TAF2: variants seen among roughly 807,000 people sequenced by gnomAD.
TAF2 encodes transcription initiation factor TFIID subunit 2.
TAF2 carries 61 observed loss-of-function variants against 138.5 expected under a neutral mutation model. That is an observed-to-expected ratio of 0.44 (90% CI 0.36 to 0.54). The LOEUF is 0.54. Among genes scored for constraint, TAF2 ranks in the 20% least tolerant of loss-of-function variants. TAF2 has a pLI of 0.00. For missense variants in TAF2, 1,090 were observed against 1,427.9 expected (o/e 0.76, Z 3.81); for synonymous variants, 475 against 469.9 (o/e 1.01, Z -0.14).
At position 119,795,582 on chromosome 8, in the gene TAF2, A is replaced by G. The variant is rs779251380; in HGVS notation, c.1141T>C (p.Trp381Arg). ...KGISGYIYGL[W>R]MKKTFGVNEY... The stretch of plus-strand genomic sequence containing the variant: ...TTAACACCAAAAGTTTTTTTCATCC[A>G]AAGTCCATAGATATAGCCTGAAATT... Residue 381 changes from tryptophan (W) to arginine (R), a missense_variant, in exon 9 of 26, where the codon TGG becomes CGG. Around this residue, in one of 3 missense-constraint regions of TAF2, gnomAD observed 504 missense variants for 680.9 expected, o/e 0.74. Transcript: ENST00000378164. 1 of 1,613,828 alleles carries G rather than the reference A, an allele frequency of 6.2e-7. No homozygotes were observed. The highest frequency in any genetic ancestry group is 1.1e-5 in the South Asian group (1 of 91,080).
At chr8:119,818,472 G>C (rs889066341) in intron 3 of TAF2, among the ~76,000 whole-genome samples, 2 of 152,040 alleles carry the variant, frequency 1.3e-5, no homozygotes, top group Non-Finnish European at 2.9e-5. Context: ...CTTTGAAAAA[G>C]CAAGTGCCCT....
chr8:119,805,842 A>G (rs1410292040), intron 4 of TAF2, among the ~76,000 whole-genome samples: 2 of 151,698 alleles, frequency 1.3e-5, no homozygotes, highest in African/African-American at 4.8e-5. Flanking sequence ...AACCCATTCT[A>G]TATATTTCAA....
intron 18 of TAF2, among the ~76,000 whole-genome samples, chr8:119,770,517 A>T (rs1480211338): frequency 6.6e-6 from 1 of 152,188 alleles, no homozygotes; most frequent in Non-Finnish European, 1.5e-5. Flanking sequence ...ATGAAGGAAA[A>T]ATAAAGTATT....
rs549580692 is a variant in TAF2 at position 119,810,411 on chromosome 8, G to A, written c.300-4010C>T. ...CATTGACCAGCTGAAGGGCATTTAG[G>A]TTATTTTCAGCTTTGGAAGTGTGAA... On this transcript the variant is annotated intron_variant, in intron 3 of 25. Coordinates refer to ENST00000378164, the MANE Select transcript of TAF2 (RefSeq NM_003184.4). Among the ~76,000 whole-genome samples, 8 of 152,294 alleles carry A rather than the reference G, an allele frequency of 5.3e-5. No individual in the cohort carries two copies. The South Asian group carries it at 1.2e-3, about 24-fold the overall frequency.
chr8:119,733,538 G>A (rs549057968), intron 25 of TAF2, among the ~76,000 whole-genome samples: 9 of 152,204 alleles, frequency 5.9e-5, no homozygotes, highest in South Asian at 2.1e-4. Context: ...CATTCTATCC[G>A]TCTAGGAATC....
intron 18 of TAF2, among the ~76,000 whole-genome samples, chr8:119,768,728 C>T (rs1821617995): frequency 1.3e-5 from 2 of 152,242 alleles, no homozygotes; most frequent in South Asian, 4.1e-4. Flanking sequence ...AGCTGACACC[C>T]ACCTGCATGT....
Position 119,797,818 on chromosome 8 carries a change from A to C in TAF2, c.821T>G (p.Leu274Arg). ...EVTHFCLPQL[L>R]PLLKHTTSYL... is the part of the protein sequence containing the mutation. ...TGATGTGGTATGTTTCAGCAATGGA[A>C]GAAGTTGGGGCAAACAAAAATGAGT... The change falls in exon 7 of 26, where the codon CTT (leucine) becomes CGT (arginine). Residue 274 changes from leucine to arginine, a missense_variant. By Grantham distance (102) the Leu-to-Arg change is moderately radical. This residue lies in a region of TAF2 where 504 missense variants were observed against 680.9 expected (regional missense o/e 0.74). Coordinates refer to ENST00000378164, the MANE Select transcript of TAF2 (RefSeq NM_003184.4). 1 of 1,613,612 alleles carries C rather than the reference A, an allele frequency of 6.2e-7. No homozygotes were observed.
At chr8:119,793,217 TTA>T (rs1305322144) in intron 10 of TAF2, 147 bp downstream of exon 10, 4 of 553,984 alleles carry the variant, frequency 7.2e-6, no homozygotes, top group Non-Finnish European at 9.4e-6. Context: ...CTTATGAGCT[TTA>T]TGAGTCTGTA....
At chr8:119,748,434 A>T (rs940105551) in intron 22 of TAF2, among the ~76,000 whole-genome samples, 8 of 151,288 alleles carry the variant, frequency 5.3e-5, no homozygotes, top group African/African-American at 1.9e-4. Flanking sequence ...GCATTGTACT[A>T]GGCCACTGTG....
At chr8:119,792,704 T>C (rs922526597) in intron 10 of TAF2, among the ~76,000 whole-genome samples, 2 of 152,130 alleles carry the variant, frequency 1.3e-5, no homozygotes, top group Non-Finnish European at 2.9e-5. Flanking sequence ...ATCAGGGATC[T>C]ACCCTCATGA....
chr8:119,740,522 G>A (rs561803405), intron 25 of TAF2, among the ~76,000 whole-genome samples: 1 of 145,290 alleles, frequency 6.9e-6, no homozygotes, highest in East Asian at 2.0e-4. Context: ...AAAATTAGCC[G>A]GGTGTGGTGA....
chr8:119,749,636 C>T (rs1820213851), intron 22 of TAF2, among the ~76,000 whole-genome samples: 1 of 152,182 alleles, frequency 6.6e-6, no homozygotes, highest in Non-Finnish European at 1.5e-5. Context: ...TGGGCTATAA[C>T]TGAGATGATC....
intron 25 of TAF2, among the ~76,000 whole-genome samples, chr8:119,733,386 A>G (rs939428429): frequency 1.3e-5 from 2 of 152,184 alleles, no homozygotes; most frequent in African/African-American, 2.4e-5. Context: ...TAGTGTCAGT[A>G]CAAAGAAAGA....
intron 2 of TAF2, among the ~76,000 whole-genome samples, chr8:119,827,950 G>A: frequency 6.6e-6 from 1 of 151,976 alleles, no homozygotes; most frequent in East Asian, 1.9e-4. Flanking sequence ...TCACTGTGTT[G>A]GCCAGGTTGG....
chr8:119,770,049 A>C (rs1821720195), intron 18 of TAF2, among the ~76,000 whole-genome samples: 1 of 141,576 alleles, frequency 7.1e-6, no homozygotes, highest in Admixed American at 7.8e-5. Flanking sequence ...AAGCCACTGC[A>C]CGCAGCCCCC....
chr8:119,817,635 C>T (rs1825563392), intron 3 of TAF2, among the ~76,000 whole-genome samples: 1 of 152,210 alleles, frequency 6.6e-6, no homozygotes, highest in Admixed American at 6.5e-5. Flanking sequence ...CCTGTCATTA[C>T]ACTTAACAGA....
rs139932322 is a variant in TAF2, at chr8:119,808,100, A to G, written c.300-1699T>C. The stretch of plus-strand genomic sequence containing the variant: ...CTCTACCAGTTAGGAAGGATATAAT[A>G]TAACTATGGCTTTAACAACTATTCA... On this transcript the variant is annotated intron_variant, in intron 3 of 25. Transcript: ENST00000378164. Among the ~76,000 whole-genome samples the G allele has an allele frequency of 2.2e-3, 332 of 152,332 alleles. 2 individuals are homozygous for G. The highest frequency in any genetic ancestry group is 0.016 in the East Asian group (81 of 5,190).
At chr8:119,791,895 T>G (rs1002801709) in intron 10 of TAF2, 4 of 153,592 alleles carry the variant, frequency 2.6e-5, no homozygotes, top group African/African-American at 9.7e-5. Flanking sequence ...GGGAAAAATT[T>G]TCCTAAGAAA....
intron 10 of TAF2, among the ~76,000 whole-genome samples, chr8:119,792,367 GT>G (rs1298155844): frequency 6.6e-6 from 1 of 151,902 alleles, no homozygotes. Flanking sequence ...TGGTAGGCTG[GT>G]CTCAAACTCC....
Sources: gnomAD v4.1 joint callset for allele counts (sites outside exome capture counted in the v4.1 genomes callset) on GRCh38, gnomAD v4.1.1 for gene constraint, gnomAD v4.1.1 regional missense constraint, MANE v1.5 for transcripts, NCBI Gene and HGNC (gene_info 2026-07-23, HGNC 2026-07-21) for gene names.